The following FGF14 variants were observed in gnomAD, a reference collection of about 807,000 sequenced individuals.
FGF14 encodes the protein fibroblast growth factor homologous factor 4.
In FGF14, 5 loss-of-function variants were observed where a neutral mutation model predicts 25.5. The observed-to-expected ratio is 0.20, with a 90% CI of 0.10 to 0.41. FGF14 has a LOEUF of 0.41. FGF14 is among the 10% of genes least tolerant of loss of function. The pLI, the probability that FGF14 is intolerant of heterozygous loss-of-function variation, is 1.00. For synonymous variants in FGF14, 138 were observed against 118.3 expected, an observed-to-expected ratio of 1.17 and a Z score of -1.08; for missense variants, 222 against 320.1, an observed-to-expected ratio of 0.69 and a Z score of 2.34.
intron 1 of FGF14, among the ~76,000 whole-genome samples, chr13:102,398,127 A>G (rs2058624717): frequency 6.6e-6 from 1 of 151,932 alleles, no homozygotes; most frequent in Non-Finnish European, 1.5e-5. Context: ...CTTTTAAGCT[A>G]TTGGAATTTA....
chr13:102,026,463 T>C (rs79374177), intron 1 of FGF14, among the ~76,000 whole-genome samples: 4,836 of 152,040 alleles, frequency 0.032, 249 homozygotes, highest in African/African-American at 0.11. Context: ...AATTGGGAAG[T>C]GTTTCTTCCT....
At chr13:102,056,338 A>G (rs1217408554) in intron 1 of FGF14, among the ~76,000 whole-genome samples, 1 of 152,178 alleles carries the variant, frequency 6.6e-6, no homozygotes, top group Non-Finnish European at 1.5e-5. Context: ...ACAATCATTT[A>G]CCTTTGTTTT....
At chr13:102,096,089 A>C (rs1462833748) in intron 1 of FGF14, among the ~76,000 whole-genome samples, 1 of 151,342 alleles carries the variant, frequency 6.6e-6, no homozygotes, top group Non-Finnish European at 1.5e-5. Flanking sequence ...GTTGGGATAC[A>C]TTGCCTTATA....
chr13:101,829,726 A>G (rs1458652548), intron 3 of FGF14, among the ~76,000 whole-genome samples: 2 of 152,116 alleles, frequency 1.3e-5, no homozygotes, highest in Non-Finnish European at 2.9e-5. Flanking sequence ...TGACCCCATC[A>G]GGGACTCACA....
chr13:102,382,378 C>A (rs2058204524), intron 1 of FGF14, among the ~76,000 whole-genome samples: 1 of 152,010 alleles, frequency 6.6e-6, no homozygotes, highest in Non-Finnish European at 1.5e-5. Flanking sequence ...CTAAAAGATG[C>A]TCAACATCAT....
intron 1 of FGF14, among the ~76,000 whole-genome samples, chr13:102,245,106 C>T (rs774189275): frequency 2.6e-5 from 4 of 152,038 alleles, no homozygotes; most frequent in Admixed American, 6.6e-5. Context: ...AAATCAGCTC[C>T]GTATGTGTGC....
At chr13:102,030,347 T>C (rs2041149289) in intron 1 of FGF14, among the ~76,000 whole-genome samples, 1 of 151,968 alleles carries the variant, frequency 6.6e-6, no homozygotes, top group Non-Finnish European at 1.5e-5. Context: ...CCTTCAAAGA[T>C]GAGGCAGGGA....
intron 1 of FGF14, among the ~76,000 whole-genome samples, chr13:102,168,135 G>A (rs1407897885): frequency 6.6e-6 from 1 of 152,078 alleles, no homozygotes; most frequent in Non-Finnish European, 1.5e-5. Context: ...CATTAAACAT[G>A]AAAATTTATG....
At chr13:102,239,702 A>G (rs912210444) in intron 1 of FGF14, among the ~76,000 whole-genome samples, 3 of 152,198 alleles carry the variant, frequency 2.0e-5, no homozygotes, top group Non-Finnish European at 4.4e-5. Context: ...TAAATGACCA[A>G]GAAAACCTGG....
intron 1 of FGF14, among the ~76,000 whole-genome samples, chr13:101,942,546 C>T (rs2035523416): frequency 6.6e-6 from 1 of 152,172 alleles, no homozygotes; most frequent in East Asian, 1.9e-4. Context: ...TCTTATGCAT[C>T]TGCAAATTAT....
In FGF14 at chr13:101,716,925, A is replaced by G. The variant is rs777147592; in HGVS notation, c.*5906T>C. ...AATTCACATTGAATTATGAAAGTGT[A>G]CAATAATTGGGACTTCCCTTACATA... On this transcript the variant is annotated 3_prime_UTR_variant, in exon 5 of 5. Coordinates refer to ENST00000376143, the MANE Select transcript of FGF14 (RefSeq NM_004115.4). 2.5e-4 allele frequency: 38 copies of G among 152,130 alleles called. No individual in the cohort carries two copies. Among genetic ancestry groups the G allele is most frequent in the Non-Finnish European group, 4.1e-4 (28 of 68,004 alleles). 9.4% of individuals were successfully genotyped at this position (152,130 alleles called of 1,614,324 possible). A position where few individuals can be genotyped will look rare whatever the true frequency, so the allele number is the denominator to read the frequency against.
intron 3 of FGF14, among the ~76,000 whole-genome samples, chr13:101,748,009 T>C (rs1040842054): frequency 6.6e-6 from 1 of 151,960 alleles, no homozygotes; most frequent in Non-Finnish European, 1.5e-5. Context: ...GGCTTACACA[T>C]TGTTGGTGGG....
At chr13:101,961,045 G>C (rs1410981933) in intron 1 of FGF14, among the ~76,000 whole-genome samples, 2 of 151,438 alleles carry the variant, frequency 1.3e-5, no homozygotes, top group Non-Finnish European at 3.0e-5. Flanking sequence ...GGATTTTTTT[G>C]TAGTAAATTT....
intron 1 of FGF14, among the ~76,000 whole-genome samples, chr13:102,084,069 C>G (rs972523908): frequency 1.3e-5 from 2 of 151,900 alleles, no homozygotes; most frequent in African/African-American, 4.8e-5. Context: ...TCATCTGAAG[C>G]CTTTGCTCAA....
intron 1 of FGF14, among the ~76,000 whole-genome samples, chr13:102,096,504 C>T (rs777191376): frequency 1.7e-4 from 26 of 151,968 alleles, no homozygotes; most frequent in Non-Finnish European, 3.2e-4. Flanking sequence ...AAGTAACATT[C>T]ACTGAAAACT....
chr13:101,856,777 A>G (rs934964749), intron 3 of FGF14, among the ~76,000 whole-genome samples: 7 of 152,026 alleles, frequency 4.6e-5, no homozygotes, highest in African/African-American at 1.7e-4. Context: ...ATTTTATTCT[A>G]TATTACCTAT....
intron 1 of FGF14, among the ~76,000 whole-genome samples, chr13:102,114,612 G>T (rs1400843636): frequency 6.6e-6 from 1 of 152,178 alleles, no homozygotes; most frequent in Non-Finnish European, 1.5e-5. Context: ...CAGAGGAATG[G>T]ATAAAGTGTG....
intron 1 of FGF14, among the ~76,000 whole-genome samples, chr13:102,292,031 C>G (rs566536601): frequency 6.6e-6 from 1 of 152,088 alleles, no homozygotes; most frequent in South Asian, 2.1e-4. Flanking sequence ...TTAGAGCCGG[C>G]CTTGTCTGTG....
intron 1 of FGF14, among the ~76,000 whole-genome samples, chr13:102,359,331 T>TAAATTA (rs1302389839): frequency 6.6e-6 from 1 of 152,208 alleles, no homozygotes; most frequent in Admixed American, 6.5e-5. Context: ...AAAATTACAT[T>TAAATTA]AAATTAAAAA....
Sources: gnomAD v4.1 joint callset for allele counts (sites outside exome capture counted in the v4.1 genomes callset) on GRCh38, gnomAD v4.1.1 for gene constraint, MANE v1.5 for transcripts, NCBI Gene and HGNC (gene_info 2026-07-23, HGNC 2026-07-21) for gene names.